The following QPCTL variants were observed in gnomAD, a reference collection of about 807,000 sequenced individuals.
QPCTL encodes glutaminyl-peptide cyclotransferase-like protein.
In QPCTL, 31 loss-of-function variants were observed where a neutral mutation model predicts 34.6. That is an observed-to-expected ratio of 0.90 (90% CI 0.67 to 1.21). The LOEUF (loss-of-function observed/expected upper bound fraction) is 1.21, where lower values mean the gene tolerates loss of function less well. Among genes scored for constraint, QPCTL ranks in the 50% most tolerant of loss-of-function variants. The pLI, the probability that QPCTL is intolerant of heterozygous loss-of-function variation, is 0.00. For synonymous variants in QPCTL, 223 were observed against 226.9 expected (o/e 0.98, Z 0.15); for missense variants, 474 against 507.8 (o/e 0.93, Z 0.64).
rs907184278 is a variant in QPCTL at position 45,700,745 on chromosome 19, G to A, written c.887-1053G>A. 9.9e-5 allele frequency among the ~76,000 whole-genome samples: 15 copies of A among 151,990 alleles called. 1 individual carries two copies. The highest frequency in any genetic ancestry group is 3.1e-4 in the African/African-American group (13 of 41,384). On this transcript the variant is annotated intron_variant, in intron 5 of 6. Transcript: ENST00000012049. ...GGAGGCCGAGGTGGGCGAATCACAA[G>A]GTCAGCAGTTCGAGACCAGCTTGGC...
rs377246897 is a variant in QPCTL at position 45,703,016 on chromosome 19, C to G, written c.1116C>G (p.Leu372=). The change falls in exon 7 of 7, where the codon CTC becomes CTG. Residue 372 remains leucine, a synonymous_variant. Coordinates refer to ENST00000012049, the MANE Select transcript of QPCTL (RefSeq NM_017659.4). ...PPTVHNLCRI[L]AVFLAEYLGL is the part of the protein sequence containing the mutation. ...CGGTACACAACTTGTGCCGCATTCT[C>G]GCTGTGTTCCTGGCTGAATACCTGG... 1 of 1,614,160 alleles carries G rather than the reference C, an allele frequency of 6.2e-7. No homozygotes were observed. Among genetic ancestry groups the G allele is most frequent in the Non-Finnish European group, 8.5e-7 (1 of 1,180,016 alleles).
chr19:45,696,628 AC>A (rs1967701332), intron 3 of QPCTL, among the ~76,000 whole-genome samples: 1 of 150,930 alleles, frequency 6.6e-6, no homozygotes. Context: ...GTGGCATGCT[AC>A]TTGGGAGGCT....
At chr19:45,695,811 T>C in intron 3 of QPCTL, 93 bp downstream of exon 3, 2 of 1,377,180 alleles carry the variant, frequency 1.5e-6, no homozygotes, top group African/African-American at 1.5e-5. Context: ...ATCCCTCTCG[T>C]CTTCCCACTC....
chr19:45,699,024 A>G, intron 5 of QPCTL, 124 bp downstream of exon 5: 3 of 523,718 alleles, frequency 5.7e-6, no homozygotes, highest in South Asian at 3.2e-5. Context: ...ACATAGGGAG[A>G]CCCCATCTTT....
intron 5 of QPCTL, among the ~76,000 whole-genome samples, chr19:45,700,727 G>A (rs746481913): frequency 1.3e-5 from 2 of 151,672 alleles, no homozygotes; most frequent in Non-Finnish European, 2.9e-5. Context: ...TTGGGAGGCC[G>A]AGGTGGGCGA....
chr19:45,693,602 A>T, intron 2 of QPCTL, 46 bp downstream of exon 2: 3 of 1,539,008 alleles, frequency 1.9e-6, no homozygotes, highest in Non-Finnish European at 2.6e-6. Flanking sequence ...CCCTCCAGGG[A>T]ATGGGAAATA....
intron 6 of QPCTL, 106 bp downstream of exon 6, chr19:45,702,020 A>G: frequency 1.2e-6 from 1 of 818,614 alleles, no homozygotes; most frequent in Non-Finnish European, 2.0e-6. Flanking sequence ...AGTGGCCTTA[A>G]CCTCTTTGTG....
chr19:45,693,529 C>T lies in QPCTL; in HGVS notation c.324C>T (p.Gly108=), dbSNP rs1474230094. The T allele has an allele frequency of 3.7e-6, 6 of 1,612,152 alleles. No homozygotes were observed. The highest frequency in any genetic ancestry group is 5.1e-6 in the Non-Finnish European group (6 of 1,179,042). ...CCCTGCTGGTTGTGCGAACCCCGGG[C>T]AGCCCGGGAAATCTCCAAGTCAGAA... The part of the protein sequence containing the change: ...LRPLLVVRTP[G]SPGNLQVRKF... Residue 108 remains glycine (G), a synonymous_variant, in exon 2 of 7, where the codon GGC becomes GGT. Coordinates refer to ENST00000012049, the MANE Select transcript of QPCTL (RefSeq NM_017659.4).
chr19:45,698,940 G>T (rs1347128864), intron 5 of QPCTL, 40 bp downstream of exon 5: 2 of 1,574,796 alleles, frequency 1.3e-6, no homozygotes, highest in African/African-American at 1.4e-5. Context: ...CCCACCTGGG[G>T]TATGGGGTAC....
chr19:45,698,485 G>T, intron 3 of QPCTL, 62 bp from the exon 4 acceptor site: 1 of 1,593,660 alleles, frequency 6.3e-7, no homozygotes, highest in Non-Finnish European at 8.6e-7. Flanking sequence ...AGAAGTGTGG[G>T]TATGTTGAGG....
chr19:45,695,593 G>T lies in QPCTL; in HGVS notation c.508G>T (p.Asp170Tyr). The T allele has an allele frequency of 6.2e-7, 1 of 1,614,134 alleles. No homozygotes were observed. Among genetic ancestry groups the T allele is most frequent in the Non-Finnish European group, 8.5e-7 (1 of 1,180,026 alleles). ...TCACCTCACCCTTGCCTGCCATTAT[G>T]ACTCGAAGCTCTTCCCACCCGGATC... The part of the protein sequence containing the change: ...ARHLTLACHY[D>Y]SKLFPPGSTP... Residue 170 changes from aspartate to tyrosine, a missense_variant, in exon 3 of 7, where the codon GAC becomes TAC. Physicochemically the swap from Asp to Tyr is radical, Grantham distance 160 (BLOSUM62 -3). Transcript: ENST00000012049.
At chr19:45,694,401 A>G (rs1036627078) in intron 2 of QPCTL, among the ~76,000 whole-genome samples, 2 of 151,988 alleles carry the variant, frequency 1.3e-5, no homozygotes, top group African/African-American at 4.8e-5. Flanking sequence ...TCACTTAAAT[A>G]CTGCCTGAGT....
intron 5 of QPCTL, among the ~76,000 whole-genome samples, chr19:45,699,751 C>T (rs1183102209): frequency 1.6e-4 from 24 of 151,386 alleles, no homozygotes; most frequent in African/African-American, 4.4e-4. Context: ...GCCAACAGGG[C>T]GAAACCCCAT....
chr19:45,694,509 C>T (rs1166429213), intron 2 of QPCTL, among the ~76,000 whole-genome samples: 8 of 151,534 alleles, frequency 5.3e-5, no homozygotes, highest in Middle Eastern at 3.4e-3. Flanking sequence ...CTCACACTGT[C>T]GCCTGGGTTG....
At chr19:45,700,443 C>CTAAA (rs964199441) in intron 5 of QPCTL, among the ~76,000 whole-genome samples, 72 of 151,544 alleles carry the variant, frequency 4.8e-4, no homozygotes, top group African/African-American at 1.5e-3. Context: ...GACTCTGTCA[C>CTAAA]TAAATAAATA....
chr19:45,703,186 G>A lies in QPCTL; in HGVS notation c.*137G>A. On this transcript the variant is annotated 3_prime_UTR_variant, in exon 7 of 7. Transcript: ENST00000012049. ...TTTGTCTCCTAATTGTGCTACAATT[G>A]GAAGACCTTCTTTCTTTTGATTGTC... 1 of 1,124,546 alleles carries A rather than the reference G, an allele frequency of 8.9e-7. No individual in the cohort carries two copies. Among genetic ancestry groups the A allele is most frequent in the Non-Finnish European group, 1.3e-6 (1 of 792,352 alleles). 69.7% of individuals were successfully genotyped at this position (1,124,546 alleles called of 1,614,324 possible).
intron 5 of QPCTL, among the ~76,000 whole-genome samples, 175 bp from the exon 6 acceptor site, chr19:45,701,623 G>A (rs988949101): frequency 6.6e-6 from 1 of 152,156 alleles, no homozygotes; most frequent in African/African-American, 2.4e-5. Context: ...TAGACTCTGA[G>A]GGATTGAATG....
rs1475210629 is a variant in QPCTL, at chr19:45,692,832, C to T, written c.129C>T (p.Ala43=). ...VRLLPLLLAL[A]VGSAFYTIWS... is the part of the protein sequence containing the mutation. Reference sequence around the variant, plus strand: ...TCTTGCCTCTGTTGCTGGCGCTGGCCGTGGGCTCGGCGTTCTACACCATTT... The same window carrying T: ...TCTTGCCTCTGTTGCTGGCGCTGGCTGTGGGCTCGGCGTTCTACACCATTT... The change falls in exon 1 of 7, where the codon GCC becomes GCT. Residue 43 remains alanine (A), a synonymous_variant. Transcript: ENST00000012049. 5.1e-6 allele frequency: 8 copies of T among 1,565,892 alleles called. No individual in the cohort carries two copies. The South Asian group carries it at 5.9e-5, about 11-fold the overall frequency.
chr19:45,695,782 C>A (rs1967680399), intron 3 of QPCTL, 64 bp downstream of exon 3: 1 of 1,483,022 alleles, frequency 6.7e-7, no homozygotes, highest in Non-Finnish European at 9.0e-7. Flanking sequence ...CCCCACCCTC[C>A]CTTGCCTGGA....
Sources: allele counts gnomAD v4.1 joint callset (sites outside exome capture counted in the v4.1 genomes callset), GRCh38; gene constraint gnomAD v4.1.1; transcripts MANE v1.5; gene names NCBI Gene and HGNC (gene_info 2026-07-23, HGNC 2026-07-21).